CTNND2: variants seen among roughly 807,000 people sequenced by gnomAD.
CTNND2 encodes catenin delta 2.
CTNND2 carries 22 observed loss-of-function variants against 144.4 expected under a neutral mutation model. The observed-to-expected ratio is 0.15, with a 90% CI of 0.11 to 0.22. The LOEUF (loss-of-function observed/expected upper bound fraction) is 0.22, where lower values mean the gene tolerates loss of function less well. CTNND2 is among the 10% of genes least tolerant of loss of function. The pLI, the probability that CTNND2 is intolerant of heterozygous loss-of-function variation, is 1.00. For synonymous variants in CTNND2, 751 were observed against 695.6 expected (o/e 1.08, Z -1.25); for missense variants, 1,353 against 1,618.8 (o/e 0.84, Z 2.82).
intron 5 of CTNND2, among the ~76,000 whole-genome samples, chr5:11,407,437 A>T (rs941960504): frequency 6.6e-6 from 1 of 152,244 alleles, no homozygotes; most frequent in African/African-American, 2.4e-5. Context: ...TGGTAACTGT[A>T]TGACCCAATA....
intron 1 of CTNND2, among the ~76,000 whole-genome samples, chr5:11,793,975 T>G (rs578045195): frequency 6.6e-6 from 1 of 152,358 alleles, no homozygotes; most frequent in Admixed American, 6.5e-5. Context: ...TTATTTTGAA[T>G]TTACTGAAAA....
intron 11 of CTNND2, among the ~76,000 whole-genome samples, chr5:11,181,790 G>A (rs1226205388): frequency 1.3e-5 from 2 of 148,770 alleles, no homozygotes; most frequent in Non-Finnish European, 3.0e-5. Flanking sequence ...GTGTGTGTCT[G>A]TGTGGTGTGT....
intron 12 of CTNND2, among the ~76,000 whole-genome samples, chr5:11,129,067 T>C (rs1357259395): frequency 3.2e-5 from 1 of 30,960 alleles, no homozygotes; most frequent in Non-Finnish European, 7.4e-5. Flanking sequence ...ATATATATTT[T>C]ATATATAAAT....
intron 14 of CTNND2, among the ~76,000 whole-genome samples, chr5:11,101,359 A>G (rs576029967): frequency 7.2e-5 from 11 of 152,344 alleles, no homozygotes; most frequent in African/African-American, 2.4e-4. Context: ...ATCAACATCA[A>G]CAAGGTAGTA....
At chr5:11,797,989 G>A (rs1791486343) in intron 1 of CTNND2, among the ~76,000 whole-genome samples, 1 of 152,182 alleles carries the variant, frequency 6.6e-6, no homozygotes, top group Admixed American at 6.5e-5. Context: ...TGAGCTTGGT[G>A]GCTCACGCCT....
intron 7 of CTNND2, among the ~76,000 whole-genome samples, chr5:11,381,418 TC>T (rs1189384686): frequency 2.0e-5 from 3 of 152,176 alleles, no homozygotes; most frequent in African/African-American, 7.2e-5. Context: ...GGCCTTCCAC[TC>T]CCACCTTGCT....
intron 9 of CTNND2, among the ~76,000 whole-genome samples, chr5:11,308,878 G>C (rs452973): frequency 6.6e-6 from 1 of 151,982 alleles, no homozygotes; most frequent in Non-Finnish European, 1.5e-5. Flanking sequence ...CAGAAAGCAT[G>C]GCTGGGGAGG....
At chr5:11,870,813 G>A (rs1735044733) in intron 1 of CTNND2, among the ~76,000 whole-genome samples, 1 of 152,172 alleles carries the variant, frequency 6.6e-6, no homozygotes, top group Admixed American at 6.5e-5. Context: ...ACAGTCAGGT[G>A]CAGAGGACAA....
chr5:11,132,288 G>A (rs1005318557), intron 12 of CTNND2, among the ~76,000 whole-genome samples: 3 of 152,306 alleles, frequency 2.0e-5, no homozygotes, highest in African/African-American at 4.8e-5. Context: ...TACCACCTGC[G>A]GGTATCCGGC....
At chr5:11,691,017 C>T (rs925164984) in intron 2 of CTNND2, among the ~76,000 whole-genome samples, 37 of 152,010 alleles carry the variant, frequency 2.4e-4, no homozygotes, top group African/African-American at 8.7e-4. Flanking sequence ...TTTTTGCAGT[C>T]CATCTAACAG....
At chr5:11,701,036 TG>T (rs981565523) in intron 2 of CTNND2, among the ~76,000 whole-genome samples, 4 of 152,224 alleles carry the variant, frequency 2.6e-5, no homozygotes, top group African/African-American at 9.6e-5. Flanking sequence ...ATGCTCACTT[TG>T]GTTAAATATT....
chr5:11,710,509 C>T (rs1375778081), intron 2 of CTNND2, among the ~76,000 whole-genome samples: 4 of 150,304 alleles, frequency 2.7e-5, no homozygotes, highest in Non-Finnish European at 4.4e-5. Context: ...CAACTGCACT[C>T]CAGCCTGGGC....
intron 11 of CTNND2, among the ~76,000 whole-genome samples, chr5:11,168,299 G>C (rs1289006246): frequency 2.0e-5 from 3 of 152,124 alleles, no homozygotes; most frequent in Non-Finnish European, 4.4e-5. Context: ...ATGCCTATCT[G>C]CAACTGGCAA....
At chr5:11,735,448 G>A (rs1167656372) in intron 1 of CTNND2, among the ~76,000 whole-genome samples, 1 of 152,154 alleles carries the variant, frequency 6.6e-6, no homozygotes, top group Non-Finnish European at 1.5e-5. Flanking sequence ...AGTCACCTCT[G>A]GTCCCTGAGA....
chr5:11,004,768 CACA>C (rs1740305586), intron 18 of CTNND2, among the ~76,000 whole-genome samples: 1 of 99,576 alleles, frequency 1.0e-5, no homozygotes, highest in African/African-American at 4.2e-5. Context: ...AACTCCTTCT[CACA>C]AAAAAAAAAA....
intron 1 of CTNND2, among the ~76,000 whole-genome samples, chr5:11,821,093 T>C (rs1225993058): frequency 6.6e-6 from 1 of 152,194 alleles, no homozygotes; most frequent in Admixed American, 6.5e-5. Context: ...TGTTAGCCAG[T>C]TATCAAAATA....
intron 16 of CTNND2, among the ~76,000 whole-genome samples, chr5:11,039,186 A>G (rs552212406): frequency 2.6e-5 from 4 of 152,332 alleles, no homozygotes; most frequent in Admixed American, 1.3e-4. Flanking sequence ...AGACTCCCCA[A>G]TCAACATCAT....
intron 2 of CTNND2, among the ~76,000 whole-genome samples, chr5:11,701,334 C>G (rs1471719582): frequency 6.6e-6 from 1 of 152,194 alleles, no homozygotes; most frequent in East Asian, 1.9e-4. Context: ...TGCCTTTCAA[C>G]CAGTCTGCTG....
At chr5:11,543,764 A>T (rs889010142) in intron 3 of CTNND2, among the ~76,000 whole-genome samples, 1 of 152,306 alleles carries the variant, frequency 6.6e-6, no homozygotes, top group East Asian at 1.9e-4. Flanking sequence ...GTCCTTACTC[A>T]TGTGGTTTAA....
Sources: gnomAD v4.1 joint callset for allele counts (sites outside exome capture counted in the v4.1 genomes callset) on GRCh38, gnomAD v4.1.1 for gene constraint, MANE v1.5 for transcripts, NCBI Gene and HGNC (gene_info 2026-07-23, HGNC 2026-07-21) for gene names.